MTMR2: variants seen among roughly 807,000 people sequenced by gnomAD.
The protein encoded by MTMR2 is myotubularin related protein 2.
MTMR2 carries 55 observed loss-of-function variants against 86.9 expected under a neutral mutation model. That is an observed-to-expected ratio of 0.63 (90% CI 0.51 to 0.79). The LOEUF is 0.79. Among genes scored for constraint, MTMR2 ranks in the 30% least tolerant of loss-of-function variants. MTMR2 has a pLI of 0.00. For missense variants in MTMR2, 659 were observed against 772.3 expected (o/e 0.85, Z 1.74); for synonymous variants, 241 against 266.8 (o/e 0.90, Z 0.94).
In MTMR2 at chr11:95,889,954, A is replaced by G. The variant is rs915122784; in HGVS notation, c.81-1693T>C. Among the ~76,000 whole-genome samples, 70 of 152,246 alleles carry G rather than the reference A, an allele frequency of 4.6e-4. 1 individual carries two copies. The highest frequency in any genetic ancestry group is 1.6e-3 in the African/African-American group (68 of 41,468). On this transcript the variant is annotated intron_variant, in intron 1 of 14. Transcript: ENST00000346299. ...AAATTTTTTTCACTAGGTTTTGATG[A>G]AATACTTCACCTTTGAGTTGTGATA...
At chr11:95,910,125 A>ACG (rs1555074832) in intron 1 of MTMR2, among the ~76,000 whole-genome samples, 3 of 131,496 alleles carry the variant, frequency 2.3e-5, no homozygotes, top group African/African-American at 5.1e-5. Flanking sequence ...GCACGCATGC[A>ACG]CGCACACACA....
intron 3 of MTMR2, among the ~76,000 whole-genome samples, chr11:95,863,211 T>G (rs1219696812): frequency 6.6e-6 from 1 of 152,184 alleles, no homozygotes; most frequent in African/African-American, 2.4e-5. Flanking sequence ...TCTTCATCAT[T>G]CCAAGGAAGT....
chr11:95,853,046 T>A (rs7948588), intron 7 of MTMR2, among the ~76,000 whole-genome samples: 42,025 of 124,078 alleles, frequency 0.34, 11,007 homozygotes, highest in African/African-American at 0.73. Context: ...TTATATATAA[T>A]ATATATATAT....
intron 1 of MTMR2, among the ~76,000 whole-genome samples, chr11:95,910,893 A>G (rs975108192): frequency 3.3e-5 from 5 of 152,158 alleles, no homozygotes; most frequent in Non-Finnish European, 7.3e-5. Context: ...AAAAAAAATA[A>G]TAAAAGGCCT....
At chr11:95,851,055 C>CTTTT (rs55809121) in intron 7 of MTMR2, among the ~76,000 whole-genome samples, 18 of 93,396 alleles carry the variant, frequency 1.9e-4, no homozygotes, top group Middle Eastern at 7.2e-3. Flanking sequence ...TCAAATATTC[C>CTTTT]TTTTTTTTTT....
At chr11:95,876,035 T>G (rs184274262) in intron 2 of MTMR2, among the ~76,000 whole-genome samples, 1 of 152,358 alleles carries the variant, frequency 6.6e-6, no homozygotes, top group Non-Finnish European at 1.5e-5. Flanking sequence ...CCAGTTAGGC[T>G]ACTCTGGGGT....
rs1864459949 is a variant in MTMR2 at position 95,862,380 on chromosome 11, A to G, written c.263-14T>C. 1.3e-5 allele frequency: 21 copies of G among 1,592,052 alleles called. 1 individual carries two copies. In the African/African-American group the frequency reaches 1.9e-4, roughly 14 times the overall value. The stretch of plus-strand genomic sequence containing the variant: ...TTACATCTTTGGCTGAAAAAGCAAG[A>G]AGTCCACAGTTTACTATACATTATG... On this transcript the variant is annotated splice_polypyrimidine_tract_variant and intron_variant, in intron 3 of 14. Coordinates refer to ENST00000346299, the MANE Select transcript of MTMR2 (RefSeq NM_016156.6).
intron 11 of MTMR2, among the ~76,000 whole-genome samples, chr11:95,844,246 C>G (rs117518685): frequency 0.012 from 1,875 of 152,180 alleles, 21 homozygotes; most frequent in Middle Eastern, 0.02. Flanking sequence ...GTGTAGAGAA[C>G]GGCAAAATGT....
intron 1 of MTMR2, among the ~76,000 whole-genome samples, chr11:95,906,225 A>C (rs1314250418): frequency 6.6e-6 from 1 of 152,226 alleles, no homozygotes; most frequent in East Asian, 1.9e-4. Flanking sequence ...ACTCTGTCTC[A>C]AAAACAAACA....
At chr11:95,890,886 A>C (rs1865692612) in intron 1 of MTMR2, among the ~76,000 whole-genome samples, 1 of 152,102 alleles carries the variant, frequency 6.6e-6, no homozygotes, top group Admixed American at 6.5e-5. Flanking sequence ...AAATTAAATA[A>C]AATTAAAATT....
At chr11:95,878,268 T>C (rs1039641033) in intron 2 of MTMR2, among the ~76,000 whole-genome samples, 2 of 148,880 alleles carry the variant, frequency 1.3e-5, no homozygotes, top group African/African-American at 5.0e-5. Flanking sequence ...AAAAGATTAG[T>C]GATTGCCTGG....
Position 95,924,063 on chromosome 11 carries a change from C to T in MTMR2, c.-109G>A, listed in dbSNP as rs1244398681. On this transcript the variant is annotated 5_prime_UTR_variant, in exon 1 of 15. Transcript: ENST00000346299. The stretch of plus-strand genomic sequence containing the variant: ...ACCGGGGCCGCAGTCAGGCCAGCGC[C>T]GGCCCGGGAGGGAGACCGGAAGCGG... The T allele has an allele frequency of 7.1e-7, 1 of 1,416,476 alleles. No individual in the cohort carries two copies. The highest frequency in any genetic ancestry group is 9.7e-7 in the Non-Finnish European group (1 of 1,027,922). 87.7% of individuals were successfully genotyped at this position (1,416,476 alleles called of 1,614,324 possible). A position where few individuals can be genotyped will look rare whatever the true frequency, so the allele number is the denominator to read the frequency against.
intron 7 of MTMR2, among the ~76,000 whole-genome samples, chr11:95,853,247 C>G (rs566649698): frequency 6.6e-6 from 1 of 151,790 alleles, no homozygotes; most frequent in African/African-American, 2.4e-5. Context: ...ACTCCTCCCC[C>G]TCCCTTATCC....
chr11:95,875,410 C>T (rs957902039), intron 2 of MTMR2, among the ~76,000 whole-genome samples: 3 of 152,138 alleles, frequency 2.0e-5, no homozygotes, highest in East Asian at 1.9e-4. Flanking sequence ...CTTGTGCATT[C>T]GTCACGTAGT....
In MTMR2 at chr11:95,833,488, T is replaced by A. The variant is rs1427917954; in HGVS notation, c.*1802A>T. On this transcript the variant is annotated 3_prime_UTR_variant, in exon 15 of 15. Transcript: ENST00000346299. The stretch of plus-strand genomic sequence containing the variant: ...GGTATATATTAAATGCCCAAGTGCA[T>A]GTACTCCATATTGGAGACTTCTGCA... 1 of 152,112 alleles carries A rather than the reference T, an allele frequency of 6.6e-6. No individual in the cohort carries two copies. Among genetic ancestry groups the A allele is most frequent in the African/African-American group, 2.4e-5 (1 of 41,442 alleles). The allele number at this position is 152,112 out of a possible 1,614,324, so 9.4% of individuals were successfully genotyped here. A position where few individuals can be genotyped will look rare whatever the true frequency, so the allele number is the denominator to read the frequency against.
At chr11:95,879,664 G>A (rs1025955208) in intron 2 of MTMR2, among the ~76,000 whole-genome samples, 1 of 152,066 alleles carries the variant, frequency 6.6e-6, no homozygotes, top group African/African-American at 2.4e-5. Context: ...TATTCACAAT[G>A]TTCTTCTGTC....
chr11:95,850,945 G>C (rs1288594362), intron 7 of MTMR2, among the ~76,000 whole-genome samples, 196 bp from the exon 8 acceptor site: 1 of 151,932 alleles, frequency 6.6e-6, no homozygotes, highest in African/African-American at 2.4e-5. Context: ...TTCATTTGTG[G>C]AACCCAATTT....
intron 1 of MTMR2, among the ~76,000 whole-genome samples, chr11:95,905,315 A>G (rs529165606): frequency 2.5e-4 from 34 of 134,954 alleles, no homozygotes; most frequent in African/African-American, 9.0e-4. Flanking sequence ...TCTTACACAC[A>G]CACGCACGCA....
At chr11:95,894,330 G>A (rs1400379259) in intron 1 of MTMR2, among the ~76,000 whole-genome samples, 1 of 152,038 alleles carries the variant, frequency 6.6e-6, no homozygotes, top group East Asian at 1.9e-4. Flanking sequence ...ACTATTTCAA[G>A]ATTCTTTCTT....
Sources: allele counts gnomAD v4.1 joint callset (sites outside exome capture counted in the v4.1 genomes callset), GRCh38; gene constraint gnomAD v4.1.1; transcripts MANE v1.5; gene names NCBI Gene and HGNC (gene_info 2026-07-23, HGNC 2026-07-21).